The following IQCJ variants were observed in gnomAD, a reference collection of about 807,000 sequenced individuals.
IQCJ encodes IQ domain-containing protein J.
A neutral mutation model predicts 11.0 loss-of-function variants in IQCJ; 9 were observed. The observed-to-expected ratio is 0.82, with a 90% CI of 0.49 to 1.43. The LOEUF is 1.43. IQCJ is among the 40% of genes most tolerant of loss of function. The probability of loss-of-function intolerance (pLI) is 0.00; values close to 1 mark genes in which losing one functional copy is unlikely to be tolerated. For missense variants in IQCJ, 146 were observed against 133.2 expected (o/e 1.10, Z -0.47); for synonymous variants, 55 against 51.3 (o/e 1.07, Z -0.31).
At chr3:159,084,922 TTA>T (rs1491246127) in intron 1 of IQCJ, among the ~76,000 whole-genome samples, 8 of 134,126 alleles carry the variant, frequency 6.0e-5, no homozygotes, top group Non-Finnish European at 1.2e-4. Flanking sequence ...TCTTTTTTTT[TTA>T]TTATTATTAT....
chr3:159,191,703 C>G (rs1030479091), intron 1 of IQCJ, among the ~76,000 whole-genome samples: 1 of 152,172 alleles, frequency 6.6e-6, no homozygotes, highest in Non-Finnish European at 1.5e-5. Context: ...TTTACAAAGC[C>G]TGACAGCATC....
intron 1 of IQCJ, among the ~76,000 whole-genome samples, chr3:159,165,389 A>G (rs181665778): frequency 1.2e-4 from 18 of 152,302 alleles, no homozygotes; most frequent in African/African-American, 4.1e-4. Context: ...TGACTCCAAG[A>G]GTGGTAACTT....
chr3:159,081,821 C>CA (rs1317788406), intron 1 of IQCJ, among the ~76,000 whole-genome samples: 1 of 151,868 alleles, frequency 6.6e-6, no homozygotes, highest in African/African-American at 2.4e-5. Context: ...TGCCCTTAAA[C>CA]AAAAAAGAGT....
At chr3:159,188,627 C>G (rs1015030370) in intron 1 of IQCJ, among the ~76,000 whole-genome samples, 1 of 152,054 alleles carries the variant, frequency 6.6e-6, no homozygotes, top group Admixed American at 6.5e-5. Flanking sequence ...TTAAGTACGG[C>G]CTGTACTCTA....
chr3:159,266,209 G>A (rs1577127966), downstream of IQCJ: 1 of 152,154 alleles, frequency 6.6e-6, no homozygotes, highest in East Asian at 1.9e-4. Flanking sequence ...CCATTGGGTT[G>A]GAGCTCCATA....
intron 1 of IQCJ, among the ~76,000 whole-genome samples, chr3:159,164,796 G>A (rs1051965389): frequency 2.6e-5 from 4 of 152,070 alleles, no homozygotes; most frequent in Non-Finnish European, 4.4e-5. Context: ...GTTCAGCTGC[G>A]TGTGACAGAA....
intron 1 of IQCJ, among the ~76,000 whole-genome samples, chr3:159,111,962 G>T (rs57842221): frequency 0.019 from 2,904 of 151,162 alleles, 97 homozygotes; most frequent in African/African-American, 0.068. Context: ...TTTTTTCCCC[G>T]CAATTGTCTG....
rs1716797768 is a variant in IQCJ, at chr3:159,086,645, T to C, written c.9+17204T>C. Among the ~76,000 whole-genome samples, 3 of 151,580 alleles carry C rather than the reference T, an allele frequency of 2.0e-5. No individual in the cohort carries two copies. The South Asian group carries it at 6.2e-4, about 32-fold the overall frequency. Reference sequence around the variant, plus strand: ...AGAGGTCCTTCACATCCCTTGTAAGTTGGATTCCTAGGTATTTTATTCTCT... The same window carrying C: ...AGAGGTCCTTCACATCCCTTGTAAGCTGGATTCCTAGGTATTTTATTCTCT... On this transcript the variant is annotated intron_variant, in intron 1 of 3. Coordinates refer to ENST00000397832, the MANE Select transcript of IQCJ (RefSeq NM_001042706.3).
intron 1 of IQCJ, among the ~76,000 whole-genome samples, chr3:159,227,731 G>C (rs1211985593): frequency 2.0e-5 from 3 of 152,180 alleles, no homozygotes; most frequent in East Asian, 3.8e-4. Flanking sequence ...GCAAAGGAGA[G>C]CCTTTACCCA....
intron 1 of IQCJ, among the ~76,000 whole-genome samples, chr3:159,200,813 C>A (rs1412810671): frequency 6.6e-6 from 1 of 152,134 alleles, no homozygotes; most frequent in African/African-American, 2.4e-5. Flanking sequence ...TTACTGATTT[C>A]TAAAAAGCTT....
At chr3:159,153,469 T>TC (rs2108206282) in intron 1 of IQCJ, among the ~76,000 whole-genome samples, 1 of 152,332 alleles carries the variant, frequency 6.6e-6, no homozygotes, top group East Asian at 1.9e-4. Context: ...AGCTATTAAT[T>TC]CCCGTTCATT....
At chr3:159,264,109 G>C (rs9839112), downstream of IQCJ, among the ~76,000 whole-genome samples, 22,572 of 152,170 alleles carry the variant, frequency 0.15, 1,929 homozygotes, top group Middle Eastern at 0.21. Context: ...CTCAATATTA[G>C]AAATCACTTT....
intron 1 of IQCJ, among the ~76,000 whole-genome samples, chr3:159,115,317 A>G (rs1718910167): frequency 6.6e-6 from 1 of 152,164 alleles, no homozygotes; most frequent in Non-Finnish European, 1.5e-5. Context: ...GGATGGTGAA[A>G]AAGGTGAGAG....
intron 3 of IQCJ, among the ~76,000 whole-genome samples, chr3:159,260,959 C>CCAAAA (rs1329086089): frequency 6.6e-6 from 1 of 152,096 alleles, no homozygotes; most frequent in Non-Finnish European, 1.5e-5. Flanking sequence ...GGCTACTGAC[C>CCAAAA]CAAAAGTATT....
rs144537916 is a variant in IQCJ, at chr3:159,258,422, C to T, written c.156-4126C>T. 6.6e-5 allele frequency among the ~76,000 whole-genome samples: 10 copies of T among 152,168 alleles called. No homozygotes were observed. In the East Asian group the frequency reaches 1.4e-3, roughly 21 times the overall value. On this transcript the variant is annotated intron_variant, in intron 3 of 3. Transcript: ENST00000397832. The stretch of plus-strand genomic sequence containing the variant: ...GGTAGGATCTGTTTCATCCAAAGCT[C>T]GTGGGTAAAGAGTTGGTGGATCCGC...
chr3:159,091,689 C>CAA (rs1379079933), intron 1 of IQCJ, among the ~76,000 whole-genome samples: 3 of 150,026 alleles, frequency 2.0e-5, no homozygotes, highest in African/African-American at 7.5e-5. Context: ...CACACACACA[C>CAA]ACACACACAC....
At chr3:159,076,136 T>C (rs1019382103) in intron 1 of IQCJ, among the ~76,000 whole-genome samples, 16 of 152,238 alleles carry the variant, frequency 1.1e-4, no homozygotes, top group African/African-American at 3.8e-4. Flanking sequence ...CTTAAAAATA[T>C]GTTGCTACCA....
chr3:159,089,523 T>G (rs1197171709), intron 1 of IQCJ, among the ~76,000 whole-genome samples: 1 of 151,922 alleles, frequency 6.6e-6, no homozygotes, highest in African/African-American at 2.4e-5. Flanking sequence ...GTTTTCCAGC[T>G]TGGTTCCATT....
chr3:159,240,144 A>C (rs1455835422), intron 1 of IQCJ, among the ~76,000 whole-genome samples: 1 of 152,232 alleles, frequency 6.6e-6, no homozygotes, highest in East Asian at 1.9e-4. Flanking sequence ...ATATGGAACC[A>C]GAGTCTATAG....
Sources: allele counts gnomAD v4.1 joint callset (sites outside exome capture counted in the v4.1 genomes callset), GRCh38; gene constraint gnomAD v4.1.1; transcripts MANE v1.5; gene names NCBI Gene and HGNC (gene_info 2026-07-23, HGNC 2026-07-21).